The following NCOA7 variants were observed in gnomAD, a reference collection of about 807,000 sequenced individuals.
NCOA7 encodes the protein 140 kDa estrogen receptor-associated protein.
In NCOA7, 45 loss-of-function variants were observed where a neutral mutation model predicts 104.3. The ratio of observed to expected loss-of-function variants is 0.43; its 90% CI spans 0.34 to 0.55. The LOEUF is 0.55. Among genes scored for constraint, NCOA7 ranks in the 20% least tolerant of loss-of-function variants. The pLI is 0.02. For missense variants in NCOA7, 1,041 were observed against 1,119.7 expected, an observed-to-expected ratio of 0.93 and a Z score of 1.00; for synonymous variants, 398 against 402.3, an observed-to-expected ratio of 0.99 and a Z score of 0.13.
chr6:125,851,552 A>G (rs1781130860), intron 2 of NCOA7, among the ~76,000 whole-genome samples: 2 of 152,218 alleles, frequency 1.3e-5, no homozygotes, highest in African/African-American at 2.4e-5. Flanking sequence ...TTGTGCTGCA[A>G]TAAACTTACA....
chr6:125,907,387 G>A (rs560316842), intron 10 of NCOA7, among the ~76,000 whole-genome samples: 195 of 115,246 alleles, frequency 1.7e-3, no homozygotes, highest in African/African-American at 5.4e-3. Context: ...CATTCAGGGC[G>A]GCTTCCCCTT....
In NCOA7 at chr6:125,863,808, T is replaced by C. The variant is rs1270890640; in HGVS notation, c.271+8568T>C. Among the ~76,000 whole-genome samples the C allele has an allele frequency of 1.5e-5, 2 of 137,450 alleles. 1 individual carries two copies. Among genetic ancestry groups the C allele is most frequent in the Non-Finnish European group, 3.1e-5 (2 of 64,732 alleles). The allele number at this position is 137,450 out of a possible 152,430, so 90.2% of individuals were successfully genotyped here. A position where few individuals can be genotyped will look rare whatever the true frequency, so the allele number is the denominator to read the frequency against. ...ATCCTCTCACTCTGAGCTCACATGG[T>C]AGAAGGGTGAGGGGTCTTTGGCCTC... On this transcript the variant is annotated intron_variant, in intron 3 of 15. Transcript: ENST00000392477.
intron 3 of NCOA7, among the ~76,000 whole-genome samples, chr6:125,867,451 G>A (rs559619935): frequency 1.3e-5 from 2 of 152,298 alleles, no homozygotes; most frequent in East Asian, 3.9e-4. Flanking sequence ...AGTTTATACA[G>A]GTGTACTTTA....
intron 10 of NCOA7, among the ~76,000 whole-genome samples, chr6:125,910,287 C>G (rs2128682773): frequency 6.6e-6 from 1 of 152,306 alleles, no homozygotes; most frequent in South Asian, 2.1e-4. Context: ...ATGCCTTTTT[C>G]TCTCAAGTCA....
intron 1 of NCOA7, among the ~76,000 whole-genome samples, chr6:125,805,029 G>C (rs1007483688): frequency 2.7e-5 from 4 of 150,804 alleles, no homozygotes; most frequent in Non-Finnish European, 5.9e-5. Context: ...CCTGAATACA[G>C]GTCAGTATTT....
chr6:125,848,223 A>G (rs945153127), intron 2 of NCOA7, among the ~76,000 whole-genome samples: 3 of 152,164 alleles, frequency 2.0e-5, no homozygotes, highest in Admixed American at 1.3e-4. Flanking sequence ...TAGTTCAACC[A>G]TTGTGGAAGT....
chr6:125,870,708 A>G (rs1276838984), intron 3 of NCOA7, among the ~76,000 whole-genome samples: 1 of 152,124 alleles, frequency 6.6e-6, no homozygotes. Flanking sequence ...CATGAGAGAG[A>G]GAGGGGAGTC....
chr6:125,842,215 A>G (rs1780236643), intron 2 of NCOA7, among the ~76,000 whole-genome samples: 1 of 152,178 alleles, frequency 6.6e-6, no homozygotes, highest in African/African-American at 2.4e-5. Context: ...AGGATTCTGT[A>G]TTTTAGCCCT....
chr6:125,906,989 G>A (rs1786068726), intron 10 of NCOA7, among the ~76,000 whole-genome samples: 1 of 152,204 alleles, frequency 6.6e-6, no homozygotes, highest in South Asian at 2.1e-4. Context: ...TTGCTGGGAA[G>A]AGGGACATTG....
In NCOA7 at chr6:125,929,538, T is replaced by C. The variant is rs748263355; in HGVS notation, c.*767T>C. Reference sequence around the variant, plus strand: ...CATATACATATATATGAGTGTATAATTCTAAATTTCTAAAAACTCATTATG... The same window carrying C: ...CATATACATATATATGAGTGTATAACTCTAAATTTCTAAAAACTCATTATG... On this transcript the variant is annotated 3_prime_UTR_variant, in exon 16 of 16. Coordinates refer to ENST00000392477, the MANE Select transcript of NCOA7 (RefSeq NM_181782.5). 7.9e-5 allele frequency: 12 copies of C among 152,100 alleles called. No individual in the cohort carries two copies. Among genetic ancestry groups the C allele is most frequent in the Non-Finnish European group, 1.5e-4 (10 of 68,006 alleles). The allele number at this position is 152,100 out of a possible 1,614,324, so 9.4% of individuals were successfully genotyped here. A position where few individuals can be genotyped will look rare whatever the true frequency, so the allele number is the denominator to read the frequency against.
At chr6:125,897,964 C>T (rs1026125227) in intron 10 of NCOA7, among the ~76,000 whole-genome samples, 7 of 152,246 alleles carry the variant, frequency 4.6e-5, no homozygotes, top group Admixed American at 1.3e-4. Context: ...CAGACATGAG[C>T]CACCATGCCC....
chr6:125,887,127 A>G (rs924599116), intron 8 of NCOA7, among the ~76,000 whole-genome samples: 8 of 152,264 alleles, frequency 5.3e-5, no homozygotes, highest in African/African-American at 1.9e-4. Context: ...TGGATTAGGT[A>G]AAAGAAGAAA....
chr6:125,897,053 A>G (rs530641542), intron 10 of NCOA7, among the ~76,000 whole-genome samples: 51 of 152,390 alleles, frequency 3.3e-4, no homozygotes, highest in African/African-American at 1.2e-3. Flanking sequence ...AAGTCTCACT[A>G]TCTCATTATA....
upstream of NCOA7, among the ~76,000 whole-genome samples, chr6:125,790,599 G>A (rs1446412366): frequency 7.5e-6 from 1 of 132,968 alleles, no homozygotes; most frequent in Non-Finnish European, 1.6e-5. Flanking sequence ...TGCCGCAACT[G>A]CAGTCCGAGC....
chr6:125,813,951 A>G (rs145078649), intron 1 of NCOA7, among the ~76,000 whole-genome samples: 88 of 152,262 alleles, frequency 5.8e-4, no homozygotes, highest in Middle Eastern at 3.4e-3. Flanking sequence ...TCAGCAGTAC[A>G]TATCACATTG....
intron 5 of NCOA7, among the ~76,000 whole-genome samples, chr6:125,878,661 CA>C (rs1439366297): frequency 1.3e-5 from 2 of 152,122 alleles, no homozygotes; most frequent in African/African-American, 2.4e-5. Flanking sequence ...AGACATGAGC[CA>C]CTGCACCCAG....
At chr6:125,869,720 G>A (rs988551059) in intron 3 of NCOA7, among the ~76,000 whole-genome samples, 1 of 152,148 alleles carries the variant, frequency 6.6e-6, no homozygotes, top group Admixed American at 6.5e-5. Context: ...TCCTGCAGAC[G>A]CAGAACTGGC....
intron 2 of NCOA7, among the ~76,000 whole-genome samples, chr6:125,845,748 A>C (rs904613006): frequency 4.6e-5 from 7 of 152,190 alleles, no homozygotes; most frequent in African/African-American, 1.7e-4. Context: ...GCCTGGTGAC[A>C]GAGCAAGACT....
chr6:125,813,763 T>C (rs1170098456), intron 1 of NCOA7, among the ~76,000 whole-genome samples: 1 of 152,110 alleles, frequency 6.6e-6, no homozygotes, highest in Non-Finnish European at 1.5e-5. Flanking sequence ...AATCCATTCT[T>C]AACCTACAAC....
Sources: gnomAD v4.1 joint callset for allele counts (sites outside exome capture counted in the v4.1 genomes callset) on GRCh38, gnomAD v4.1.1 for gene constraint, MANE v1.5 for transcripts, NCBI Gene and HGNC (gene_info 2026-07-23, HGNC 2026-07-21) for gene names.